The following ZNF334 variants were observed in gnomAD, a reference collection of about 807,000 sequenced individuals.
The protein encoded by ZNF334 is zinc finger protein 334.
In ZNF334, 14 loss-of-function variants were observed where a neutral mutation model predicts 12.4. That is an observed-to-expected ratio of 1.13 (90% CI 0.74 to 1.76). The LOEUF is 1.76. Among genes scored for constraint, ZNF334 ranks in the 40% most tolerant of loss-of-function variants. The pLI is 0.00. For synonymous variants in ZNF334, 273 were observed against 269.6 expected, an observed-to-expected ratio of 1.01 and a Z score of -0.12; for missense variants, 797 against 804.5, an observed-to-expected ratio of 0.99 and a Z score of 0.11.
downstream of ZNF334, among the ~76,000 whole-genome samples, chr20:46,497,178 C>T (rs2061038777): frequency 6.6e-6 from 1 of 152,312 alleles, no homozygotes; most frequent in African/African-American, 2.4e-5. Flanking sequence ...AACCAGACAC[C>T]TGATGGCAAG....
In ZNF334 at chr20:46,502,854, G is replaced by A. The variant is rs200860105; in HGVS notation, c.485C>T (p.Pro162Leu). 41 of 1,613,694 alleles carry A rather than the reference G, an allele frequency of 2.5e-5. No individual in the cohort carries two copies. The East Asian group carries it at 8.9e-4, about 35-fold the overall frequency. ...CTTCCCAAATCCACTGTATCCATCAGGAATCTTTCTGTTTTCTTTGCTTTT... is the reference window on the plus strand; with the variant it reads ...CTTCCCAAATCCACTGTATCCATCAAGAATCTTTCTGTTTTCTTTGCTTTT... ...AKKSKENRKI[P>L]DGYSGFGKHE... Residue 162 changes from proline to leucine, a missense_variant, in exon 5 of 5, where the codon CCT (proline) becomes CTT (leucine). Coordinates refer to ENST00000692313, the MANE Select transcript of ZNF334 (RefSeq NM_001353824.2).
intron 2 of ZNF334, chr20:46,505,128 C>T (rs2780229): frequency 0.23 from 36,530 of 158,054 alleles, 4,754 homozygotes; most frequent in African/African-American, 0.34. Flanking sequence ...TTACCCCTTC[C>T]TTGAGAGCAT....
chr20:46,470,589 C>A, the ZNF334 span, among the ~76,000 whole-genome samples: 2 of 152,290 alleles, frequency 1.3e-5, no homozygotes, highest in African/African-American at 4.8e-5. Context: ...AAGATAAACA[C>A]TATATTTTTA....
At chr20:46,506,432 T>C (rs1254266804) in intron 2 of ZNF334, 1 of 451,962 alleles carries the variant, frequency 2.2e-6, no homozygotes, top group Non-Finnish European at 3.9e-6. Flanking sequence ...TCAAGATCAG[T>C]CTGGGCAACA....
chr20:46,485,817 G>A, the ZNF334 span: 1 of 152,102 alleles, frequency 6.6e-6, no homozygotes, highest in Non-Finnish European at 1.5e-5. Flanking sequence ...GATTTTATAA[G>A]AATTGTTCAC....
Position 46,504,188 on chromosome 20 carries a change from C to T in ZNF334, c.241+26G>A, listed in dbSNP as rs761981552. 3.6e-4 allele frequency: 543 copies of T among 1,518,238 alleles called. 1 individual carries two copies. Among genetic ancestry groups the T allele is most frequent in the Non-Finnish European group, 4.5e-4 (497 of 1,104,734 alleles). The allele number at this position is 1,518,238 out of a possible 1,614,324, so 94.0% of individuals were successfully genotyped here. A position where few individuals can be genotyped will look rare whatever the true frequency, so the allele number is the denominator to read the frequency against. The stretch of plus-strand genomic sequence containing the variant: ...ATGGAACTCTCATTTCCATTGGTTC[C>T]ACCTGCTCAGTTATCATTTACTTAC... On this transcript the variant is annotated intron_variant, in intron 4 of 4. Coordinates refer to ENST00000692313, the MANE Select transcript of ZNF334 (RefSeq NM_001353824.2).
At chr20:46,464,338 C>G in the ZNF334 span, 3 of 535,072 alleles carry the variant, frequency 5.6e-6, no homozygotes, top group Non-Finnish European at 1.1e-5. Context: ...CTGGGTAGGA[C>G]ACTATGATCT....
At chr20:46,492,440 C>T in the ZNF334 span, 1 of 153,694 alleles carries the variant, frequency 6.5e-6, no homozygotes. Flanking sequence ...ACTTAATCAA[C>T]ATAAAAAAAT....
chr20:46,501,600 G>T lies in ZNF334; in HGVS notation c.1739C>A (p.Thr580Asn). The T allele has an allele frequency of 6.2e-7, 1 of 1,614,094 alleles. No homozygotes were observed. Among genetic ancestry groups the T allele is most frequent in the South Asian group, 1.1e-5 (1 of 91,078 alleles). Reference protein sequence around the residue: ...RPYECNECGKTFCQKFSFVEH... With the variant: ...RPYECNECGKNFCQKFSFVEH... The stretch of plus-strand genomic sequence containing the variant: ...AACAAAGGAGAACTTCTGACAGAAG[G>T]TTTTCCCACATTCATTACACTCATA... Residue 580 changes from threonine to asparagine, a missense_variant, in exon 5 of 5, where the codon ACC becomes AAC. By Grantham distance (65) the Thr-to-Asn change is moderately conservative. Transcript: ENST00000692313.
At chr20:46,472,852 T>C in the ZNF334 span, among the ~76,000 whole-genome samples, 1 of 152,324 alleles carries the variant, frequency 6.6e-6, no homozygotes, top group Admixed American at 6.5e-5. Flanking sequence ...CGACGGTGGC[T>C]TGGACCAGAG....
At chr20:46,474,012 C>G in the ZNF334 span, among the ~76,000 whole-genome samples, 1 of 152,178 alleles carries the variant, frequency 6.6e-6, no homozygotes, top group Non-Finnish European at 1.5e-5. Context: ...TGGCTGTGCA[C>G]TCTCCAGATC....
intron 2 of ZNF334, among the ~76,000 whole-genome samples, chr20:46,508,966 G>C (rs1442195832): frequency 6.6e-6 from 1 of 152,134 alleles, no homozygotes; most frequent in Admixed American, 6.5e-5. Flanking sequence ...TGGAACTTCA[G>C]GGATTTTCAC....
At chr20:46,474,451 T>C in the ZNF334 span, 9 of 152,022 alleles carry the variant, frequency 5.9e-5, no homozygotes, top group African/African-American at 1.9e-4. Context: ...GGAGAAGAAT[T>C]TGAATATATT....
intron 2 of ZNF334, chr20:46,506,376 A>G: frequency 1.7e-6 from 1 of 578,572 alleles, no homozygotes. Context: ...CTATAATCCC[A>G]GCACTCTGAG....
chr20:46,480,624 A>G, the ZNF334 span, among the ~76,000 whole-genome samples: 2 of 152,184 alleles, frequency 1.3e-5, no homozygotes, highest in Non-Finnish European at 2.9e-5. Context: ...ACAATCCTGC[A>G]TTCCCCAATC....
the ZNF334 span, among the ~76,000 whole-genome samples, chr20:46,486,164 T>C: frequency 2.0e-5 from 3 of 152,252 alleles, no homozygotes; most frequent in Admixed American, 2.0e-4. Flanking sequence ...TCACTGTTGC[T>C]CTAGTCAAGA....
intron 2 of ZNF334, chr20:46,509,788 T>A: frequency 1.5e-6 from 1 of 657,860 alleles, no homozygotes; most frequent in Non-Finnish European, 2.8e-6. Context: ...GTGGGTGGCA[T>A]TAACTAAGAG....
At chr20:46,504,422 G>A in intron 3 of ZNF334, 116 bp from the exon 4 acceptor site, 1 of 1,145,834 alleles carries the variant, frequency 8.7e-7, no homozygotes. Context: ...CAATAGCTCA[G>A]TAAAGCTAGA....
the ZNF334 span, chr20:46,464,931 G>A: frequency 2.0e-6 from 1 of 503,924 alleles, no homozygotes; most frequent in East Asian, 5.3e-5. Flanking sequence ...TTTGTAGTTA[G>A]ATCTGTAGCA....
Sources: allele counts gnomAD v4.1 joint callset (sites outside exome capture counted in the v4.1 genomes callset), GRCh38; gene constraint gnomAD v4.1.1; transcripts MANE v1.5; gene names NCBI Gene and HGNC (gene_info 2026-07-23, HGNC 2026-07-21).